DDX31: variants seen among roughly 807,000 people sequenced by gnomAD.
The protein encoded by DDX31 is DEAD-box helicase 31.
Under a neutral mutation model 91.3 loss-of-function variants are expected in DDX31, and 70 were observed. That is an observed-to-expected ratio of 0.77 (90% CI 0.63 to 0.94). DDX31 has a LOEUF of 0.94. Among genes scored for constraint, DDX31 ranks in the 40% least tolerant of loss-of-function variants. The pLI, the probability that DDX31 is intolerant of heterozygous loss-of-function variation, is 0.00. For synonymous variants in DDX31, 362 were observed against 350.6 expected (o/e 1.03, Z -0.36); for missense variants, 902 against 925.0 (o/e 0.98, Z 0.32).
At chr9:132,607,466 G>A (rs755356889) in intron 19 of DDX31, among the ~76,000 whole-genome samples, 1 of 152,212 alleles carries the variant, frequency 6.6e-6, no homozygotes, top group Non-Finnish European at 1.5e-5. Flanking sequence ...TAATGAAGAT[G>A]TCCCAGATGT....
chr9:132,654,373 G>A (rs1834413827), intron 6 of DDX31, among the ~76,000 whole-genome samples: 1 of 152,218 alleles, frequency 6.6e-6, no homozygotes, highest in African/African-American at 2.4e-5. Context: ...CACTTTGGGA[G>A]GCTGAGGTGG....
intron 6 of DDX31, among the ~76,000 whole-genome samples, chr9:132,652,824 T>C (rs990380249): frequency 9.9e-5 from 15 of 152,204 alleles, no homozygotes; most frequent in Non-Finnish European, 1.2e-4. Flanking sequence ...CTTTTGCGTC[T>C]TCCTCATTCT....
chr9:132,611,939 G>A, intron 19 of DDX31, 148 bp downstream of exon 19: 2 of 1,144,998 alleles, frequency 1.7e-6, no homozygotes, highest in Non-Finnish European at 2.4e-6. Context: ...AAGATGAGGT[G>A]GCTTTCTTCT....
intron 14 of DDX31, 119 bp from the exon 15 acceptor site, chr9:132,632,210 T>C: frequency 4.3e-6 from 2 of 466,278 alleles, no homozygotes; most frequent in Non-Finnish European, 7.1e-6. Flanking sequence ...TACATGCACA[T>C]TCGGGCATAC....
intron 6 of DDX31, chr9:132,658,444 T>C (rs112629171): frequency 0.019 from 12,878 of 693,382 alleles, 185 homozygotes; most frequent in Non-Finnish European, 0.025. Context: ...GGGAGCATCT[T>C]ACAAAGCTTC....
intron 16 of DDX31, among the ~76,000 whole-genome samples, chr9:132,628,716 G>A (rs1832546540): frequency 6.6e-6 from 1 of 152,214 alleles, no homozygotes; most frequent in African/African-American, 2.4e-5. Flanking sequence ...CGAGCATGGG[G>A]GAACATCCAG....
At chr9:132,663,116 A>C (rs1248678929) in intron 1 of DDX31, 1 of 1,230,502 alleles carries the variant, frequency 8.1e-7, no homozygotes, top group East Asian at 5.6e-5. Flanking sequence ...GGGGAAAACG[A>C]ATCTTTTCTC....
At chr9:132,629,176 A>G (rs1564301942) in intron 16 of DDX31, among the ~76,000 whole-genome samples, 1 of 152,272 alleles carries the variant, frequency 6.6e-6, no homozygotes, top group Admixed American at 6.5e-5. Flanking sequence ...TCTTTCACTA[A>G]TAAGATACAA....
chr9:132,632,673 G>T (rs1029340272), intron 14 of DDX31, among the ~76,000 whole-genome samples: 2 of 151,834 alleles, frequency 1.3e-5, no homozygotes, highest in African/African-American at 4.8e-5. Context: ...ATTTACTTAG[G>T]ATTTTGCTTT....
chr9:132,620,421 A>C (rs1289301909), intron 17 of DDX31, among the ~76,000 whole-genome samples: 6 of 135,056 alleles, frequency 4.4e-5, no homozygotes, highest in African/African-American at 1.9e-4. Flanking sequence ...CTTCCCAACC[A>C]AAAAAAAAAA....
At chr9:132,659,657 C>G (rs1343933707) in intron 5 of DDX31, 53 bp downstream of exon 5, 1 of 1,553,422 alleles carries the variant, frequency 6.4e-7, no homozygotes, top group African/African-American at 1.4e-5. Context: ...AAACCTAGTG[C>G]ATGACCATGG....
In DDX31 at chr9:132,662,783, T is replaced by C. The variant is rs1451226995; in HGVS notation, c.76-88A>G. On this transcript the variant is annotated intron_variant, in intron 1 of 19. Coordinates refer to ENST00000372159, the MANE Select transcript of DDX31 (RefSeq NM_022779.9). ...GAGTGAAGCCTGACTGCCCACAGAATTGCATCTCTCCCTGCAGAGATCATT... is the reference window on the plus strand; with the variant it reads ...GAGTGAAGCCTGACTGCCCACAGAACTGCATCTCTCCCTGCAGAGATCATT... 4.5e-6 allele frequency: 7 copies of C among 1,550,730 alleles called. No homozygotes were observed. In the East Asian group the frequency reaches 6.7e-5, roughly 15 times the overall value.
At position 132,632,021 on chromosome 9, in the gene DDX31, C is replaced by A; in HGVS notation, c.1491+20G>T. ...ATATATTCCTGCCTAAAGCTTACAC[C>A]TTAACAACTAAAAAATTACCTGAAC... On this transcript the variant is annotated intron_variant, in intron 15 of 19. Coordinates refer to ENST00000372159, the MANE Select transcript of DDX31 (RefSeq NM_022779.9). The A allele has an allele frequency of 6.2e-7, 1 of 1,610,468 alleles. No individual in the cohort carries two copies. The highest frequency in any genetic ancestry group is 1.7e-5 in the Admixed American group (1 of 59,832).
chr9:132,612,945 C>CT (rs975928141), intron 18 of DDX31, among the ~76,000 whole-genome samples: 53 of 152,296 alleles, frequency 3.5e-4, no homozygotes, highest in African/African-American at 9.9e-4. Flanking sequence ...TGGGGTCTCA[C>CT]TATGTTGTCC....
intron 1 of DDX31, among the ~76,000 whole-genome samples, chr9:132,667,874 A>T (rs1564346497): frequency 6.6e-6 from 1 of 152,220 alleles, no homozygotes; most frequent in Non-Finnish European, 1.5e-5. Flanking sequence ...TGGGCCAGAC[A>T]ACGTATAGTC....
chr9:132,617,106 A>C (rs564554659), intron 18 of DDX31, among the ~76,000 whole-genome samples: 2 of 152,238 alleles, frequency 1.3e-5, no homozygotes, highest in South Asian at 4.1e-4. Flanking sequence ...CCAAAGTCCT[A>C]CGTGATTCTG....
Position 132,630,344 on chromosome 9 carries a change from A to T in DDX31, c.1551T>A (p.Ile517=), listed in dbSNP as rs1279807774. 8.1e-6 allele frequency: 13 copies of T among 1,604,484 alleles called. No individual in the cohort carries two copies. The highest frequency in any genetic ancestry group is 3.3e-4 in the Middle Eastern group (2 of 6,050). The change falls in exon 16 of 20, where the codon ATT becomes ATA. Residue 517 remains isoleucine, a synonymous_variant. Transcript: ENST00000372159. ...YIHRIGRTAR[I]GCHGSSLLIL... ...TGAGCAGGCTGCTCCCATGGCAGCCAATCCGGGCGGTTCTTCCAATCCGGT... is the reference window on the plus strand; with the variant it reads ...TGAGCAGGCTGCTCCCATGGCAGCCTATCCGGGCGGTTCTTCCAATCCGGT...
chr9:132,612,414 T>C (rs1228317284), intron 18 of DDX31, 159 bp from the exon 19 acceptor site: 1 of 762,294 alleles, frequency 1.3e-6, no homozygotes, highest in South Asian at 1.8e-5. Flanking sequence ...TCTAGACTTC[T>C]GTGTATTTCT....
chr9:132,642,188 C>A, intron 13 of DDX31, 125 bp from the exon 14 acceptor site: 1 of 837,696 alleles, frequency 1.2e-6, no homozygotes, highest in Non-Finnish European at 1.9e-6. Context: ...GAGAGGTTTG[C>A]CAGGAAAGAG....
Sources: allele counts gnomAD v4.1 joint callset (sites outside exome capture counted in the v4.1 genomes callset), GRCh38; gene constraint gnomAD v4.1.1; transcripts MANE v1.5; gene names NCBI Gene and HGNC (gene_info 2026-07-23, HGNC 2026-07-21).